Variants in ZNF679 observed in about 807,000 individuals in gnomAD.
ZNF679 encodes the protein zinc finger protein 679, also known as hypothetical protein MGC42415.
In ZNF679, 10 loss-of-function variants were observed where a neutral mutation model predicts 13.4. The ratio of observed to expected loss-of-function variants is 0.75; its 90% CI spans 0.46 to 1.27. The LOEUF (loss-of-function observed/expected upper bound fraction) is 1.27, where lower values mean the gene tolerates loss of function less well. Among genes scored for constraint, ZNF679 ranks in the 50% most tolerant of loss-of-function variants. The probability of loss-of-function intolerance (pLI) is 0.00; values close to 1 mark genes in which losing one functional copy is unlikely to be tolerated. For synonymous variants in ZNF679, 179 were observed against 162.5 expected (o/e 1.10, Z -0.77); for missense variants, 525 against 477.8 (o/e 1.10, Z -0.92).
intron 1 of ZNF679, among the ~76,000 whole-genome samples, chr7:64,241,194 G>A (rs2116517720): frequency 6.6e-6 from 1 of 152,286 alleles, no homozygotes; most frequent in East Asian, 1.9e-4. Context: ...AATAGTCTGT[G>A]ACCATCCTGC....
At chr7:64,246,588 T>G (rs1233164167) in intron 1 of ZNF679, among the ~76,000 whole-genome samples, 2 of 152,086 alleles carry the variant, frequency 1.3e-5, no homozygotes, top group African/African-American at 2.4e-5. Flanking sequence ...CTGGGCATGG[T>G]GGTGTGCACC....
chr7:64,246,363 C>A (rs1787869707), intron 1 of ZNF679, among the ~76,000 whole-genome samples: 1 of 152,132 alleles, frequency 6.6e-6, no homozygotes, highest in Non-Finnish European at 1.5e-5. Flanking sequence ...TTGTGATTCA[C>A]TGAAAAGAAG....
intron 1 of ZNF679, among the ~76,000 whole-genome samples, chr7:64,240,261 T>C (rs1329802738): frequency 6.6e-6 from 1 of 152,182 alleles, no homozygotes; most frequent in African/African-American, 2.4e-5. Context: ...AATTATGGTA[T>C]ATCACTTACC....
chr7:64,260,251 G>C lies in ZNF679; in HGVS notation c.70G>C (p.Glu24Gln). The change falls in exon 3 of 5, where the codon GAA (glutamate) becomes CAA (glutamine). Residue 24 changes from glutamate (E) to glutamine (Q), a missense_variant. Glu to Gln is a conservative substitution (Grantham distance 29, BLOSUM62 2). Coordinates refer to ENST00000421025, the MANE Select transcript of ZNF679 (RefSeq NM_153363.3). Reference sequence around the variant, plus strand: ...GTTGACATTCAGAGATGTAGTCATAGAATTCTCTCTGGAGGAGTGGCAATG... The same window carrying C: ...GTTGACATTCAGAGATGTAGTCATACAATTCTCTCTGGAGGAGTGGCAATG... ...GLLTFRDVVI[E>Q]FSLEEWQCLD... The C allele has an allele frequency of 6.2e-7, 1 of 1,609,884 alleles. No individual in the cohort carries two copies. The highest frequency in any genetic ancestry group is 1.7e-5 in the Admixed American group (1 of 58,550).
At chr7:64,263,684 G>A (rs986589571) in intron 4 of ZNF679, among the ~76,000 whole-genome samples, 7 of 152,000 alleles carry the variant, frequency 4.6e-5, no homozygotes, top group Admixed American at 2.6e-4. Context: ...CCTCACACTC[G>A]CATCATCTTT....
intron 4 of ZNF679, among the ~76,000 whole-genome samples, chr7:64,265,618 G>A (rs1339128078): frequency 6.6e-6 from 1 of 152,146 alleles, no homozygotes; most frequent in African/African-American, 2.4e-5. Flanking sequence ...ATGAAGAAGG[G>A]CTGTGTTGGG....
chr7:64,241,817 AT>A (rs1455559074), intron 1 of ZNF679, among the ~76,000 whole-genome samples: 2 of 152,210 alleles, frequency 1.3e-5, no homozygotes, highest in Admixed American at 6.5e-5. Context: ...AGAAACATAA[AT>A]TTTGTGCATG....
intron 1 of ZNF679, among the ~76,000 whole-genome samples, chr7:64,233,271 AAG>A (rs1306310549): frequency 6.6e-6 from 1 of 151,596 alleles, no homozygotes; most frequent in Admixed American, 6.6e-5. Context: ...AAAAAAAAGA[AAG>A]AAAGAAATAG....
At chr7:64,249,329 G>A (rs1004352145) in intron 2 of ZNF679, among the ~76,000 whole-genome samples, 173 bp downstream of exon 2, 6 of 152,166 alleles carry the variant, frequency 3.9e-5, no homozygotes, top group African/African-American at 1.4e-4. Context: ...TGGTGCCTGG[G>A]CCAGCGGCTA....
intron 1 of ZNF679, among the ~76,000 whole-genome samples, chr7:64,238,736 T>C (rs920686693): frequency 2.6e-5 from 4 of 152,188 alleles, no homozygotes; most frequent in African/African-American, 9.7e-5. Flanking sequence ...TATAAATTTA[T>C]TTTATTTGAC....
chr7:64,244,185 G>A (rs966693338), intron 1 of ZNF679, among the ~76,000 whole-genome samples: 1 of 152,128 alleles, frequency 6.6e-6, no homozygotes, highest in African/African-American at 2.4e-5. Context: ...GGTAGGTGGA[G>A]GTTGCAGTGA....
At chr7:64,245,765 G>A (rs967146169) in intron 1 of ZNF679, among the ~76,000 whole-genome samples, 12 of 152,258 alleles carry the variant, frequency 7.9e-5, no homozygotes, top group African/African-American at 2.6e-4. Flanking sequence ...CCAGTACCTC[G>A]GGAGGCCGAG....
In ZNF679 at chr7:64,250,658, G is replaced by C. The variant is rs537259970; in HGVS notation, c.39+1502G>C. 7.9e-5 allele frequency among the ~76,000 whole-genome samples: 12 copies of C among 151,046 alleles called. No homozygotes were observed. In the East Asian group the frequency reaches 2.4e-3, roughly 30 times the overall value. ...GGCTGGAGTGCAGTGGCTCAATCTT[G>C]CCTCATTACAACCTCTGCCTCCCTG... On this transcript the variant is annotated intron_variant, in intron 2 of 4. Coordinates refer to ENST00000421025, the MANE Select transcript of ZNF679 (RefSeq NM_153363.3).
chr7:64,235,335 C>CAAA (rs199571542), intron 1 of ZNF679, among the ~76,000 whole-genome samples: 1 of 122,648 alleles, frequency 8.2e-6, no homozygotes, highest in South Asian at 2.6e-4. Context: ...TTCTGAGATA[C>CAAA]AAAAAAAAAA....
At chr7:64,252,003 C>T (rs954686404) in intron 2 of ZNF679, among the ~76,000 whole-genome samples, 3 of 152,164 alleles carry the variant, frequency 2.0e-5, no homozygotes, top group Admixed American at 1.3e-4. Context: ...GTAATTTCTG[C>T]CCTCTGGATT....
chr7:64,253,837 T>C (rs2115573730), intron 2 of ZNF679, among the ~76,000 whole-genome samples: 1 of 152,316 alleles, frequency 6.6e-6, no homozygotes, highest in East Asian at 1.9e-4. Context: ...AAAATGGGGT[T>C]GTATGTTGGC....
intron 1 of ZNF679, among the ~76,000 whole-genome samples, chr7:64,247,379 A>G (rs1787883673): frequency 6.6e-6 from 1 of 152,220 alleles, no homozygotes; most frequent in Non-Finnish European, 1.5e-5. Flanking sequence ...AGAGTGCTGG[A>G]ATGTGGCTGG....
At chr7:64,259,820 T>G (rs1788051306) in intron 2 of ZNF679, among the ~76,000 whole-genome samples, 1 of 151,828 alleles carries the variant, frequency 6.6e-6, no homozygotes, top group Non-Finnish European at 1.5e-5. Context: ...CCCAGCTACT[T>G]GGGAAGCTGA....
intron 1 of ZNF679, among the ~76,000 whole-genome samples, chr7:64,246,476 C>A (rs1476834229): frequency 6.6e-6 from 1 of 152,104 alleles, no homozygotes; most frequent in African/African-American, 2.4e-5. Flanking sequence ...GTAACCCCAG[C>A]ACTTTGGAGG....
Sources: gnomAD v4.1 joint callset for allele counts (sites outside exome capture counted in the v4.1 genomes callset) on GRCh38, gnomAD v4.1.1 for gene constraint, MANE v1.5 for transcripts, NCBI Gene and HGNC (gene_info 2026-07-23, HGNC 2026-07-21) for gene names.